The following C5AR2 variants were observed in gnomAD, a reference collection of about 807,000 sequenced individuals.
The protein encoded by C5AR2 is C5a anaphylatoxin chemotactic receptor 2.
For synonymous variants in C5AR2, 224 were observed against 216.5 expected (o/e 1.03, Z -0.30); for missense variants, 458 against 467.5 (o/e 0.98, Z 0.19).
At chr19:47,340,734 G>A (rs1968998908) in intron 1 of C5AR2, 51 bp from the exon 2 acceptor site, 1 of 1,570,576 alleles carries the variant, frequency 6.4e-7, no homozygotes, top group African/African-American at 1.4e-5. Context: ...AGATCTCCAG[G>A]GCCATGGAGT....
rs540988684 is a variant in C5AR2, at chr19:47,343,428, C to T, written c.*1615C>T. ...GCTATATTCACGCTTCTGCATCTTT[C>T]CTGAAGCTGTGCCACTGGCTGGAAT... On this transcript the variant is annotated 3_prime_UTR_variant, in exon 2 of 2. Coordinates refer to ENST00000595464, the MANE Select transcript of C5AR2 (RefSeq NM_001271749.2). 1 of 152,320 alleles carries T rather than the reference C, an allele frequency of 6.6e-6. No homozygotes were observed. Among genetic ancestry groups the T allele is most frequent in the African/African-American group, 2.4e-5 (1 of 41,582 alleles). 9.4% of individuals were successfully genotyped at this position (152,320 alleles called of 1,614,324 possible).
In C5AR2 at chr19:47,343,773, G is replaced by A. The variant is rs556342156; in HGVS notation, c.*1960G>A. Reference sequence around the variant, plus strand: ...AGATTGCTTGAGCCCGGGAAGTGGAGTTTGCAGTGAGCTTAGATCACACCG... The same window carrying A: ...AGATTGCTTGAGCCCGGGAAGTGGAATTTGCAGTGAGCTTAGATCACACCG... On this transcript the variant is annotated 3_prime_UTR_variant, in exon 2 of 2. Transcript: ENST00000595464. 2.6e-5 allele frequency: 4 copies of A among 151,960 alleles called. No homozygotes were observed. Among genetic ancestry groups the A allele is most frequent in the Admixed American group, 2.0e-4 (3 of 15,220 alleles). The allele number at this position is 151,960 out of a possible 1,614,324, so 9.4% of individuals were successfully genotyped here. A position where few individuals can be genotyped will look rare whatever the true frequency, so the allele number is the denominator to read the frequency against.
In C5AR2 at chr19:47,344,653, C is replaced by A. The variant is rs1203610410; in HGVS notation, c.*2840C>A. 6.6e-6 allele frequency: 1 copy of A among 152,192 alleles called. No homozygotes were observed. Among genetic ancestry groups the A allele is most frequent in the Non-Finnish European group, 1.5e-5 (1 of 68,034 alleles). The allele number at this position is 152,192 out of a possible 1,614,324, so 9.4% of individuals were successfully genotyped here. ...TGTCACTTCCTCCAGGAAGCCCTCC[C>A]TGATTTATGCTCCTTCCAGAAAGAA... is the stretch of plus-strand genomic sequence containing the variant. On this transcript the variant is annotated 3_prime_UTR_variant, in exon 2 of 2. Coordinates refer to ENST00000595464, the MANE Select transcript of C5AR2 (RefSeq NM_001271749.2).
chr19:47,341,552 G>A lies in C5AR2; in HGVS notation c.753G>A (p.Leu251=), dbSNP rs926024690. 2.5e-6 allele frequency: 4 copies of A among 1,612,992 alleles called. No individual in the cohort carries two copies. The East Asian group carries it at 8.9e-5, about 36-fold the overall frequency. The change falls in exon 2 of 2, where the codon CTG becomes CTA. Residue 251 remains leucine, a synonymous_variant. Transcript: ENST00000595464. The surrounding 1 kb of genome is among the most constrained non-coding windows in gnomAD (Gnocchi z 4.6). The part of the protein sequence containing the change: ...GFFVCWAPYH[L]LGLVLTVAAP... Reference sequence around the variant, plus strand: ...TTGTCTGCTGGGCACCCTACCACCTGCTGGGGCTGGTGCTCACTGTGGCGG... The same window carrying A: ...TTGTCTGCTGGGCACCCTACCACCTACTGGGGCTGGTGCTCACTGTGGCGG...
rs1198976774 is a variant in C5AR2 at position 47,345,454 on chromosome 19, TC to T, written c.*3644del. On this transcript the variant is annotated 3_prime_UTR_variant, in exon 2 of 2. Coordinates refer to ENST00000595464, the MANE Select transcript of C5AR2 (RefSeq NM_001271749.2). Reference sequence around the variant, plus strand: ...ATCTCAGCTCACCACAGCCTCCGCCTCCCAGGTTCAAGCGATTCTCCTGCCT... The same window carrying T: ...ATCTCAGCTCACCACAGCCTCCGCCTCCAGGTTCAAGCGATTCTCCTGCCT... 1.4e-5 allele frequency: 2 copies of T among 140,428 alleles called. No homozygotes were observed. Among genetic ancestry groups the T allele is most frequent in the Non-Finnish European group, 1.5e-5 (1 of 66,480 alleles). 8.7% of individuals were successfully genotyped at this position (140,428 alleles called of 1,614,324 possible).
rs146710047 is a variant in C5AR2 at position 47,341,349 on chromosome 19, C to G, written c.550C>G (p.Leu184Val). Residue 184 changes from leucine to valine, a missense_variant, in exon 2 of 2, where the codon CTG (leucine) becomes GTG (valine). Physicochemically the swap from Leu to Val is conservative, Grantham distance 32. Coordinates refer to ENST00000595464, the MANE Select transcript of C5AR2 (RefSeq NM_001271749.2). The surrounding 1 kb of genome is among the most constrained non-coding windows in gnomAD (Gnocchi z 4.6). ...GCACCAGGAGCACTTCCCAGCCCGGCTGCAGTGTGTGGTGGACTACGGCGG... is the reference window on the plus strand; with the variant it reads ...GCACCAGGAGCACTTCCCAGCCCGGGTGCAGTGTGTGGTGGACTACGGCGG... The part of the protein sequence containing the change: ...RLHQEHFPAR[L>V]QCVVDYGGSS... 9 of 1,612,192 alleles carry G rather than the reference C, an allele frequency of 5.6e-6. No homozygotes were observed. Among genetic ancestry groups the G allele is most frequent in the Admixed American group, 1.7e-5 (1 of 59,996 alleles).
intron 1 of C5AR2, among the ~76,000 whole-genome samples, chr19:47,332,744 G>C (rs2059344314): frequency 6.6e-6 from 1 of 152,028 alleles, no homozygotes; most frequent in Non-Finnish European, 1.5e-5. Context: ...AGTAGAGATG[G>C]GGTTTCTCCA....
chr19:47,333,630 G>C (rs1376856344), intron 1 of C5AR2, among the ~76,000 whole-genome samples: 2 of 146,960 alleles, frequency 1.4e-5, no homozygotes, highest in Non-Finnish European at 3.0e-5. Context: ...TCAGGCTGGA[G>C]TGCAGTGGTG....
At chr19:47,338,275 TA>T (rs1337170158) in intron 1 of C5AR2, among the ~76,000 whole-genome samples, 3 of 2,726 alleles carry the variant, frequency 1.1e-3, no homozygotes, top group South Asian at 8.8e-3. Flanking sequence ...ACCCTGTCTC[TA>T]AAAAAAATAT....
Position 47,341,686 on chromosome 19 carries a change from G to A in C5AR2, c.887G>A (p.Arg296Lys). The change falls in exon 2 of 2, where the codon AGG becomes AAG. Residue 296 changes from arginine to lysine, a missense_variant. By Grantham distance (26) the Arg-to-Lys change is conservative. Coordinates refer to ENST00000595464, the MANE Select transcript of C5AR2 (RefSeq NM_001271749.2). The surrounding 1 kb of genome is among the most constrained non-coding windows in gnomAD (Gnocchi z 4.6). Reference sequence around the variant, plus strand: ...CCCATGCTCTTCCTGTATTTTGGGAGGGCTCAACTCCGCCGGTCACTGCCA... The same window carrying A: ...CCCATGCTCTTCCTGTATTTTGGGAAGGCTCAACTCCGCCGGTCACTGCCA... ...LNPMLFLYFG[R>K]AQLRRSLPAA... The A allele has an allele frequency of 6.2e-7, 1 of 1,614,116 alleles. No homozygotes were observed. Among genetic ancestry groups the A allele is most frequent in the Non-Finnish European group, 8.5e-7 (1 of 1,180,036 alleles).
chr19:47,338,787 G>T (rs1208672130), intron 1 of C5AR2, among the ~76,000 whole-genome samples: 3 of 151,414 alleles, frequency 2.0e-5, no homozygotes, highest in Non-Finnish European at 4.4e-5. Flanking sequence ...CAGTGAGCTG[G>T]GAAAGTGCCG....
rs767645448 is a variant in C5AR2 at position 47,341,191 on chromosome 19, A to G, written c.392A>G (p.Asp131Gly). 6.3e-7 allele frequency: 1 copy of G among 1,599,800 alleles called. No individual in the cohort carries two copies. Among genetic ancestry groups the G allele is most frequent in the African/African-American group, 1.3e-5 (1 of 74,494 alleles). Residue 131 changes from aspartate to glycine, a missense_variant, in exon 2 of 2, where the codon GAC becomes GGC. By Grantham distance (94) the Asp-to-Gly change is moderately conservative. Transcript: ENST00000595464. This position sits in a 1 kb window ranked among gnomAD's most constrained non-coding sequence, Gnocchi z 4.6. ...CTGCTCCTGGCAGCTCTCAGTGCCG[A>G]CCTCTGCTTCCTGGCTCTCGGGCCT... ...SVLLLAALSADLCFLALGPAW... is the reference protein window; with the variant it reads ...SVLLLAALSAGLCFLALGPAW...
rs1301476222 is a variant in C5AR2, at chr19:47,342,913, G to A, written c.*1100G>A. Reference sequence around the variant, plus strand: ...GCATTCAAGGCTTCTCTCCACCACTGGACACACTTACTCTCTAGCTTCTCA... The same window carrying A: ...GCATTCAAGGCTTCTCTCCACCACTAGACACACTTACTCTCTAGCTTCTCA... On this transcript the variant is annotated 3_prime_UTR_variant, in exon 2 of 2. Coordinates refer to ENST00000595464, the MANE Select transcript of C5AR2 (RefSeq NM_001271749.2). 1 of 152,218 alleles carries A rather than the reference G, an allele frequency of 6.6e-6. No individual in the cohort carries two copies. Among genetic ancestry groups the A allele is most frequent in the Non-Finnish European group, 1.5e-5 (1 of 68,114 alleles). 9.4% of individuals were successfully genotyped at this position (152,218 alleles called of 1,614,324 possible).
chr19:47,340,506 A>AT (rs1465491366), intron 1 of C5AR2, among the ~76,000 whole-genome samples: 4 of 151,760 alleles, frequency 2.6e-5, no homozygotes, highest in African/African-American at 9.7e-5. Context: ...CACCCAGCTA[A>AT]TTTTTGTATT....
At chr19:47,339,991 C>T (rs1206370706) in intron 1 of C5AR2, among the ~76,000 whole-genome samples, 1 of 151,856 alleles carries the variant, frequency 6.6e-6, no homozygotes, top group Non-Finnish European at 1.5e-5. Flanking sequence ...GAGACAGAGT[C>T]TCTCTCTGTC....
chr19:47,340,692 A>G, intron 1 of C5AR2, 93 bp from the exon 2 acceptor site: 2 of 1,148,908 alleles, frequency 1.7e-6, no homozygotes, highest in East Asian at 2.4e-5. Flanking sequence ...CCAGTTTGCA[A>G]GGTGCTGGTG....
In C5AR2 at chr19:47,341,657, C is replaced by T. The variant is rs139142067; in HGVS notation, c.858C>T (p.Leu286=). Residue 286 remains leucine, a synonymous_variant, in exon 2 of 2, where the codon CTC becomes CTT. Transcript: ENST00000595464. This position sits in a 1 kb window ranked among gnomAD's most constrained non-coding sequence, Gnocchi z 4.6. ...GCCTTGCCCTCGCTCACAGCTGCCT[C>T]AATCCCATGCTCTTCCTGTATTTTG... ...IVGLALAHSC[L]NPMLFLYFGR... The T allele has an allele frequency of 2.9e-4, 465 of 1,614,134 alleles. No individual in the cohort carries two copies. The highest frequency in any genetic ancestry group is 3.8e-4 in the Non-Finnish European group (452 of 1,180,024).
rs1318818334 is a variant in C5AR2 at position 47,333,440 on chromosome 19, T to A, written c.-16+1091T>A. ...TGCTGTGGGTGGCTATTTGGACGGT[T>A]TCTCATCTTGGGCTGCTGTGAACAT... is the stretch of plus-strand genomic sequence containing the variant. On this transcript the variant is annotated intron_variant, in intron 1 of 1. Coordinates refer to ENST00000595464, the MANE Select transcript of C5AR2 (RefSeq NM_001271749.2). 2.0e-5 allele frequency among the ~76,000 whole-genome samples: 3 copies of A among 152,306 alleles called. No individual in the cohort carries two copies. The East Asian group carries it at 5.8e-4, about 29-fold the overall frequency.
rs1969006444 is a variant in C5AR2 at position 47,340,927 on chromosome 19, C to T, written c.128C>T (p.Ala43Val). Residue 43 changes from alanine to valine, a missense_variant, in exon 2 of 2, where the codon GCC becomes GTC. Coordinates refer to ENST00000595464, the MANE Select transcript of C5AR2 (RefSeq NM_001271749.2). ...PLRVAPLPLY[A>V]AIFLVGVPGN... is the part of the protein sequence containing the mutation. Reference sequence around the variant, plus strand: ...CGCGTGGCCCCGCTCCCACTGTATGCCGCCATCTTCCTGGTGGGGGTGCCG... The same window carrying T: ...CGCGTGGCCCCGCTCCCACTGTATGTCGCCATCTTCCTGGTGGGGGTGCCG... 6.2e-7 allele frequency: 1 copy of T among 1,612,364 alleles called. No individual in the cohort carries two copies. The highest frequency in any genetic ancestry group is 8.5e-7 in the Non-Finnish European group (1 of 1,179,926).
Sources: gnomAD v4.1 joint callset for allele counts (sites outside exome capture counted in the v4.1 genomes callset) on GRCh38, gnomAD v4.1.1 for gene constraint, Gnocchi (gnomAD v3.1) non-coding constraint, MANE v1.5 for transcripts, NCBI Gene and HGNC (gene_info 2026-07-23, HGNC 2026-07-21) for gene names.